HMGCLL1: variants seen among roughly 807,000 people sequenced by gnomAD.
The protein encoded by HMGCLL1 is 3-hydroxy-3-methylglutaryl-CoA lyase like 1.
Under a neutral mutation model 39.1 loss-of-function variants are expected in HMGCLL1, and 36 were observed. That is an observed-to-expected ratio of 0.92 (90% CI 0.71 to 1.22). HMGCLL1 has a LOEUF of 1.22. HMGCLL1 is among the 50% of genes most tolerant of loss of function. The pLI is 0.00. For missense variants in HMGCLL1, 451 were observed against 416.5 expected, an observed-to-expected ratio of 1.08 and a Z score of -0.72; for synonymous variants, 149 against 144.0, an observed-to-expected ratio of 1.03 and a Z score of -0.25.
At chr6:55,616,451 A>C in the HMGCLL1 span, among the ~76,000 whole-genome samples, 1 of 152,172 alleles carries the variant, frequency 6.6e-6, no homozygotes, top group East Asian at 1.9e-4. Flanking sequence ...TCACAGAAGC[A>C]TGAGCTAATC....
In HMGCLL1 at chr6:55,440,355, C is replaced by A. The variant is rs534617438; in HGVS notation, c.796-796G>T. ...AAGGTCACTATCTGGTAGGTGAAAT[C>A]TTCTGTCTCCAGGGAATCTACACTC... On this transcript the variant is annotated intron_variant, in intron 7 of 8. Coordinates refer to ENST00000274901, the MANE Select transcript of HMGCLL1 (RefSeq NM_001042406.2). 5.3e-5 allele frequency among the ~76,000 whole-genome samples: 8 copies of A among 150,648 alleles called. No homozygotes were observed. In the South Asian group the frequency reaches 1.3e-3, roughly 24 times the overall value.
the HMGCLL1 span, among the ~76,000 whole-genome samples, chr6:55,619,501 T>C: frequency 6.6e-6 from 1 of 152,092 alleles, no homozygotes; most frequent in Non-Finnish European, 1.5e-5. Context: ...TCAATTATAT[T>C]TATTTGGTTC....
At chr6:55,521,656 T>C (rs1768049277) in intron 3 of HMGCLL1, among the ~76,000 whole-genome samples, 1 of 152,036 alleles carries the variant, frequency 6.6e-6, no homozygotes, top group African/African-American at 2.4e-5. Flanking sequence ...GCAAATTTAA[T>C]AAGTAAAGGT....
chr6:55,588,933 A>C, the HMGCLL1 span, among the ~76,000 whole-genome samples: 8 of 152,132 alleles, frequency 5.3e-5, no homozygotes, highest in Non-Finnish European at 1.0e-4. Context: ...CAACCAAAAA[A>C]AGTCCAGGAC....
Position 55,579,142 on chromosome 6 carries a change from C to G in HMGCLL1, c.-87G>C, listed in dbSNP as rs1416787927. On this transcript the variant is annotated 5_prime_UTR_variant, in exon 1 of 9. Transcript: ENST00000274901. Reference sequence around the variant, plus strand: ...ACCGCGCTGGGAAACTGCGCCAGCTCGGGAGCGCGCCCCTCCGGTGCACTG... The same window carrying G: ...ACCGCGCTGGGAAACTGCGCCAGCTGGGGAGCGCGCCCCTCCGGTGCACTG... 3 of 992,774 alleles carry G rather than the reference C, an allele frequency of 3.0e-6. No homozygotes were observed. The highest frequency in any genetic ancestry group is 2.0e-5 in the Admixed American group (1 of 50,334). 61.5% of individuals were successfully genotyped at this position (992,774 alleles called of 1,614,324 possible). A position where few individuals can be genotyped will look rare whatever the true frequency, so the allele number is the denominator to read the frequency against.
chr6:55,608,496 A>C, the HMGCLL1 span, among the ~76,000 whole-genome samples: 1 of 152,174 alleles, frequency 6.6e-6, no homozygotes, highest in African/African-American at 2.4e-5. Flanking sequence ...GGGAAAAAAA[A>C]CAGGCTAATC....
At chr6:55,622,501 G>A in the HMGCLL1 span, among the ~76,000 whole-genome samples, 3 of 152,092 alleles carry the variant, frequency 2.0e-5, no homozygotes, top group Middle Eastern at 3.4e-3. Context: ...TTTATCGAAT[G>A]CTGTTTTAGT....
the HMGCLL1 span, among the ~76,000 whole-genome samples, chr6:55,591,723 T>C: frequency 6.6e-6 from 1 of 151,772 alleles, no homozygotes; most frequent in African/African-American, 2.4e-5. Context: ...CATAATTTTC[T>C]TGCCAAAAGT....
chr6:55,613,943 T>A, the HMGCLL1 span, among the ~76,000 whole-genome samples: 1 of 151,990 alleles, frequency 6.6e-6, no homozygotes, highest in East Asian at 1.9e-4. Flanking sequence ...TAAAATAAAA[T>A]TTTAAAAAAG....
intron 5 of HMGCLL1, among the ~76,000 whole-genome samples, chr6:55,507,926 CT>C (rs906571318): frequency 1.1e-4 from 16 of 150,422 alleles, no homozygotes; most frequent in African/African-American, 2.9e-4. Context: ...TAATTGCCAC[CT>C]TTTTTTTTGG....
chr6:55,648,408 A>G, the HMGCLL1 span, among the ~76,000 whole-genome samples: 4 of 116,462 alleles, frequency 3.4e-5, no homozygotes, highest in African/African-American at 1.4e-4. Context: ...AACCCTTCAA[A>G]AAATCAATGA....
At chr6:55,504,222 T>C (rs1767040512) in intron 5 of HMGCLL1, among the ~76,000 whole-genome samples, 1 of 151,736 alleles carries the variant, frequency 6.6e-6, no homozygotes, top group East Asian at 1.9e-4. Flanking sequence ...GTCTTTGCTC[T>C]TTGTAGATTC....
chr6:55,660,340 AT>A, the HMGCLL1 span, among the ~76,000 whole-genome samples: 1 of 151,582 alleles, frequency 6.6e-6, no homozygotes, highest in Non-Finnish European at 1.5e-5. Context: ...GTACCCAATA[AT>A]TGTTTTTTCT....
chr6:55,632,740 T>C, the HMGCLL1 span, among the ~76,000 whole-genome samples: 5 of 152,104 alleles, frequency 3.3e-5, no homozygotes, highest in African/African-American at 1.2e-4. Flanking sequence ...TGAAGTTGAG[T>C]AAAATATTTG....
chr6:55,626,347 T>A, the HMGCLL1 span, among the ~76,000 whole-genome samples: 7 of 152,112 alleles, frequency 4.6e-5, no homozygotes, highest in Non-Finnish European at 2.9e-5. Flanking sequence ...ACTCACTTTA[T>A]GGCTAAAGTG....
At chr6:55,443,382 G>T (rs954975894) in intron 7 of HMGCLL1, among the ~76,000 whole-genome samples, 3 of 152,158 alleles carry the variant, frequency 2.0e-5, no homozygotes, top group Non-Finnish European at 1.5e-5. Context: ...CTGGGATCTG[G>T]AATCCACGTA....
At chr6:55,510,335 T>C (rs1429126464) in intron 5 of HMGCLL1, among the ~76,000 whole-genome samples, 1 of 151,858 alleles carries the variant, frequency 6.6e-6, no homozygotes, top group Admixed American at 6.6e-5. Flanking sequence ...TAAAGACACA[T>C]GCACACGTAT....
chr6:55,462,936 T>A (rs1764637964), intron 7 of HMGCLL1, among the ~76,000 whole-genome samples: 2 of 152,008 alleles, frequency 1.3e-5, no homozygotes, highest in Admixed American at 1.3e-4. Flanking sequence ...GTACAAGGAA[T>A]CGCCCCAGAA....
rs1165510095 is a variant in HMGCLL1 at position 55,439,460 on chromosome 6, T to C, written c.895A>G (p.Met299Val). 6.2e-7 allele frequency: 1 copy of C among 1,612,800 alleles called. No homozygotes were observed. Among genetic ancestry groups the C allele is most frequent in the Non-Finnish European group, 8.5e-7 (1 of 1,179,126 alleles). ...GNVATEDLIYMLNGLGLNTGV... is the reference protein window; with the variant it reads ...GNVATEDLIYVLNGLGLNTGV... ...GTATTGAGCCCCAGGCCATTAAGCA[T>C]ATATATCAAATCCTCAGTGGCTACA... The change falls in exon 8 of 9, where the codon ATG (methionine) becomes GTG (valine). Residue 299 changes from methionine to valine, a missense_variant. Transcript: ENST00000274901.
Sources: allele counts gnomAD v4.1 joint callset (sites outside exome capture counted in the v4.1 genomes callset), GRCh38; gene constraint gnomAD v4.1.1; transcripts MANE v1.5; gene names NCBI Gene and HGNC (gene_info 2026-07-23, HGNC 2026-07-21).